Variants in SNTG1 observed in about 807,000 individuals in gnomAD.
SNTG1 encodes gamma-1-syntrophin.
In SNTG1, 39 loss-of-function variants were observed where a neutral mutation model predicts 74.7. The ratio of observed to expected loss-of-function variants is 0.52; its 90% CI spans 0.40 to 0.68. SNTG1 has a LOEUF of 0.68. SNTG1 is among the 30% of genes least tolerant of loss of function. The probability of loss-of-function intolerance (pLI) is 0.00; values close to 1 mark genes in which losing one functional copy is unlikely to be tolerated. For missense variants in SNTG1, 685 were observed against 609.5 expected (o/e 1.12, Z -1.30); for synonymous variants, 254 against 217.1 (o/e 1.17, Z -1.49).
chr8:50,549,306 C>T (rs955340627), intron 11 of SNTG1, among the ~76,000 whole-genome samples: 2 of 152,070 alleles, frequency 1.3e-5, no homozygotes, highest in African/African-American at 4.8e-5. Flanking sequence ...CTCAACAAGA[C>T]AGAGTAAAAT....
intron 1 of SNTG1, among the ~76,000 whole-genome samples, chr8:49,933,386 A>T (rs768494620): frequency 1.3e-5 from 2 of 152,146 alleles, no homozygotes; most frequent in African/African-American, 2.4e-5. Flanking sequence ...TGTCACATCT[A>T]AGAAACTATT....
chr8:50,388,370 C>T (rs1041552266), intron 2 of SNTG1, among the ~76,000 whole-genome samples: 1 of 152,138 alleles, frequency 6.6e-6, no homozygotes, highest in Non-Finnish European at 1.5e-5. Flanking sequence ...TTGTGTGTAT[C>T]TCTATTGCCT....
At chr8:50,114,737 C>G (rs1053165297) in intron 1 of SNTG1, among the ~76,000 whole-genome samples, 1 of 151,956 alleles carries the variant, frequency 6.6e-6, no homozygotes, top group Non-Finnish European at 1.5e-5. Context: ...TAGATGTGCA[C>G]GCCTGTAGTC....
chr8:50,497,479 A>T (rs1340792356), intron 8 of SNTG1, among the ~76,000 whole-genome samples: 1 of 152,074 alleles, frequency 6.6e-6, no homozygotes, highest in Non-Finnish European at 1.5e-5. Context: ...ATAGAGTCAC[A>T]TAATATTGAT....
At chr8:50,093,026 A>G (rs1183768896) in intron 1 of SNTG1, among the ~76,000 whole-genome samples, 2 of 152,126 alleles carry the variant, frequency 1.3e-5, no homozygotes, top group Admixed American at 1.3e-4. Context: ...AGCAAATAAT[A>G]TTAACACCCA....
chr8:50,690,770 G>T (rs975351157), intron 15 of SNTG1, among the ~76,000 whole-genome samples: 2 of 152,136 alleles, frequency 1.3e-5, no homozygotes, highest in African/African-American at 4.8e-5. Flanking sequence ...AGGTCTGCTT[G>T]GTGCAGATCT....
rs190161261 is a variant in SNTG1, at chr8:50,528,431, G to T, written c.467-1746G>T. ...ATTACATATATGCTTTCGTTCTTTA[G>T]CCTTTTGATATGGTAAATGTTTAAA... On this transcript the variant is annotated intron_variant, in intron 9 of 18. Coordinates refer to ENST00000642720, the MANE Select transcript of SNTG1 (RefSeq NM_018967.5). Among the ~76,000 whole-genome samples the T allele has an allele frequency of 1.5e-3, 235 of 151,806 alleles. 1 individual carries two copies. The highest frequency in any genetic ancestry group is 5.4e-3 in the African/African-American group (226 of 41,468).
intron 13 of SNTG1, among the ~76,000 whole-genome samples, chr8:50,597,298 C>CATATATATACATATATACACGT (rs2094734636): frequency 6.7e-6 from 1 of 149,686 alleles, no homozygotes; most frequent in Non-Finnish European, 1.5e-5. Flanking sequence ...TATACACACA[C>CATATATATACATATATACACGT]ATATATATAC....
At chr8:50,535,636 T>C (rs1373727755) in intron 10 of SNTG1, among the ~76,000 whole-genome samples, 4 of 152,176 alleles carry the variant, frequency 2.6e-5, no homozygotes, top group African/African-American at 7.2e-5. Flanking sequence ...CTTAGTACAT[T>C]TTTATTTGCT....
At chr8:50,037,150 A>T (rs902149048) in intron 1 of SNTG1, among the ~76,000 whole-genome samples, 2 of 152,256 alleles carry the variant, frequency 1.3e-5, no homozygotes, top group East Asian at 3.8e-4. Flanking sequence ...TAAGTTTAGA[A>T]AATCATAAAC....
chr8:50,675,676 A>G (rs1045718133), intron 15 of SNTG1, among the ~76,000 whole-genome samples: 1 of 152,088 alleles, frequency 6.6e-6, no homozygotes, highest in Admixed American at 6.6e-5. Flanking sequence ...TGGTATTATT[A>G]TATGTGAATT....
chr8:50,531,052 G>A (rs981793134), intron 10 of SNTG1, among the ~76,000 whole-genome samples: 3 of 152,138 alleles, frequency 2.0e-5, no homozygotes, highest in East Asian at 1.9e-4. Flanking sequence ...TTCTTCAACC[G>A]ACTGGTATGA....
chr8:50,203,252 G>A (rs1210027218), intron 2 of SNTG1, among the ~76,000 whole-genome samples: 1 of 152,038 alleles, frequency 6.6e-6, no homozygotes. Flanking sequence ...ATTTTTCTGA[G>A]AGTTTTTATT....
chr8:50,613,394 G>T (rs1273518349), intron 13 of SNTG1, among the ~76,000 whole-genome samples: 1 of 152,118 alleles, frequency 6.6e-6, no homozygotes, highest in Admixed American at 6.6e-5. Context: ...AATGCCCTTA[G>T]AGGGCAATGA....
At chr8:50,164,146 A>G (rs1023543939) in intron 1 of SNTG1, 5 of 119,030 alleles carry the variant, frequency 4.2e-5, no homozygotes, top group African/African-American at 1.3e-4. Flanking sequence ...CTTGCTGAAT[A>G]TGCTTAAACT....
Position 50,793,783 on chromosome 8 carries a change from G to A in SNTG1, c.*954G>A, listed in dbSNP as rs559579817. 7 of 151,846 alleles carry A rather than the reference G, an allele frequency of 4.6e-5. No individual in the cohort carries two copies. The highest frequency in any genetic ancestry group is 2.1e-4 in the South Asian group (1 of 4,830). The allele number at this position is 151,846 out of a possible 1,614,324, so 9.4% of individuals were successfully genotyped here. A position where few individuals can be genotyped will look rare whatever the true frequency, so the allele number is the denominator to read the frequency against. ...TTAATCATGAACTAAAATGTCCCCC[G>A]AAAACAGTCCCAAAGCTATTATAGA... is the stretch of plus-strand genomic sequence containing the variant. On this transcript the variant is annotated 3_prime_UTR_variant, in exon 19 of 19. Transcript: ENST00000642720.
chr8:50,329,451 A>G (rs932746256), intron 2 of SNTG1, among the ~76,000 whole-genome samples: 7 of 152,046 alleles, frequency 4.6e-5, no homozygotes, highest in African/African-American at 1.7e-4. Context: ...AGGTTCCCAA[A>G]CCTCAATTCT....
chr8:50,417,576 C>T (rs947082549), intron 4 of SNTG1, among the ~76,000 whole-genome samples: 1 of 151,990 alleles, frequency 6.6e-6, no homozygotes, highest in African/African-American at 2.4e-5. Context: ...TAAGAGTGTG[C>T]TTTTCTCACC....
At chr8:50,408,745 G>A (rs1008374208) in intron 4 of SNTG1, among the ~76,000 whole-genome samples, 15 of 152,200 alleles carry the variant, frequency 9.9e-5, no homozygotes, top group African/African-American at 2.7e-4. Flanking sequence ...GTCATGCCAA[G>A]TAACCCTCTT....
Sources: gnomAD v4.1 joint callset for allele counts (sites outside exome capture counted in the v4.1 genomes callset) on GRCh38, gnomAD v4.1.1 for gene constraint, MANE v1.5 for transcripts, NCBI Gene and HGNC (gene_info 2026-07-23, HGNC 2026-07-21) for gene names.